WIPF1: variants seen among roughly 807,000 people sequenced by gnomAD.
The protein encoded by WIPF1 is WAS/WASL interacting protein family member 1.
WIPF1 carries 13 observed loss-of-function variants against 35.4 expected under a neutral mutation model. That is an observed-to-expected ratio of 0.37 (90% CI 0.24 to 0.58). The LOEUF is 0.58. WIPF1 is among the 20% of genes least tolerant of loss of function. The probability of loss-of-function intolerance (pLI) is 0.74; values close to 1 mark genes in which losing one functional copy is unlikely to be tolerated. For synonymous variants in WIPF1, 267 were observed against 266.3 expected, an observed-to-expected ratio of 1.00 and a Z score of -0.02; for missense variants, 591 against 667.0, an observed-to-expected ratio of 0.89 and a Z score of 1.25.
intron 1 of WIPF1, among the ~76,000 whole-genome samples, chr2:174,657,971 C>CTAGAT (rs1396126400): frequency 2.7e-5 from 4 of 149,846 alleles, no homozygotes; most frequent in Non-Finnish European, 5.9e-5. Context: ...TTTTTTCTCC[C>CTAGAT]TAGATAAAAG....
chr2:174,666,338 G>C (rs981360035), intron 1 of WIPF1, among the ~76,000 whole-genome samples: 1 of 152,170 alleles, frequency 6.6e-6, no homozygotes, highest in African/African-American at 2.4e-5. Flanking sequence ...CCAGCCCCAG[G>C]AATCTATACA....
At chr2:174,607,295 C>T (rs181766223) in intron 1 of WIPF1, among the ~76,000 whole-genome samples, 3,052 of 151,964 alleles carry the variant, frequency 0.02, 99 homozygotes, top group African/African-American at 0.069. Context: ...CCCAGCTACT[C>T]GGGAGGCTGA....
intron 1 of WIPF1, among the ~76,000 whole-genome samples, chr2:174,651,644 A>T (rs1487870782): frequency 1.3e-5 from 2 of 152,232 alleles, no homozygotes; most frequent in African/African-American, 4.8e-5. Context: ...TCAAGATCTT[A>T]CAAACACAAC....
At chr2:174,658,006 G>A (rs550932647) in intron 1 of WIPF1, among the ~76,000 whole-genome samples, 303 of 151,374 alleles carry the variant, frequency 2.0e-3, no homozygotes, top group Non-Finnish European at 3.6e-3. Flanking sequence ...ATGCCCCCTC[G>A]GATGTTCCCT....
At chr2:174,588,871 T>C (rs1455026065) in intron 1 of WIPF1, among the ~76,000 whole-genome samples, 1 of 152,206 alleles carries the variant, frequency 6.6e-6, no homozygotes, top group East Asian at 1.9e-4. Flanking sequence ...TAAGTGCTCT[T>C]TCCTCTCTTC....
chr2:174,640,747 G>T (rs973330099), intron 1 of WIPF1, among the ~76,000 whole-genome samples: 1 of 151,630 alleles, frequency 6.6e-6, no homozygotes, highest in Admixed American at 6.6e-5. Flanking sequence ...ATCTCCTAAT[G>T]CTATCCCTCC....
At chr2:174,652,449 T>C (rs1379873330) in intron 1 of WIPF1, among the ~76,000 whole-genome samples, 1 of 152,222 alleles carries the variant, frequency 6.6e-6, no homozygotes, top group Admixed American at 6.5e-5. Flanking sequence ...ATGGACGTTA[T>C]GTAAATATTA....
At chr2:174,628,779 T>C (rs80208535) in intron 1 of WIPF1, among the ~76,000 whole-genome samples, 1 of 152,362 alleles carries the variant, frequency 6.6e-6, no homozygotes, top group African/African-American at 2.4e-5. Flanking sequence ...ATGAGCTACT[T>C]TGACCATAGA....
At chr2:174,668,961 G>T (rs1687950309) in intron 1 of WIPF1, among the ~76,000 whole-genome samples, 1 of 152,222 alleles carries the variant, frequency 6.6e-6, no homozygotes, top group African/African-American at 2.4e-5. Flanking sequence ...TGGGCCAGCT[G>T]ATTACCCTCA....
At chr2:174,660,977 A>G (rs972706715) in intron 1 of WIPF1, among the ~76,000 whole-genome samples, 1 of 152,252 alleles carries the variant, frequency 6.6e-6, no homozygotes, top group African/African-American at 2.4e-5. Context: ...ACTGAAGTCA[A>G]GAGGGGCGAG....
chr2:174,576,460 T>G (rs1326096128), intron 3 of WIPF1, among the ~76,000 whole-genome samples: 1 of 152,228 alleles, frequency 6.6e-6, no homozygotes, highest in Non-Finnish European at 1.5e-5. Context: ...TGTATTACAT[T>G]AAAATTTATT....
At chr2:174,682,652 C>G (rs1688278304) in intron 1 of WIPF1, 1 of 151,708 alleles carries the variant, frequency 6.6e-6, no homozygotes, top group African/African-American at 2.4e-5. Context: ...GCCGCCCCAC[C>G]CGCGTCACCG....
intron 1 of WIPF1, among the ~76,000 whole-genome samples, chr2:174,636,429 TAC>T (rs1687183605): frequency 6.6e-6 from 1 of 152,216 alleles, no homozygotes; most frequent in South Asian, 2.1e-4. Flanking sequence ...GAGAAGACAG[TAC>T]AGAGTTCCCA....
In WIPF1 at chr2:174,560,581, T is replaced by G. The variant is rs548948633; in HGVS notation, c.*1966A>C. ...AAACTGCTAGAGATTAAAAAAATTT[T>G]TTTTTAAAAAGCCAACACTTTGCCA... is the stretch of plus-strand genomic sequence containing the variant. On this transcript the variant is annotated 3_prime_UTR_variant, in exon 8 of 8. Coordinates refer to ENST00000679041, the MANE Select transcript of WIPF1 (RefSeq NM_001375834.1). 10 of 152,760 alleles carry G rather than the reference T, an allele frequency of 6.5e-5. No individual in the cohort carries two copies. The highest frequency in any genetic ancestry group is 2.4e-4 in the African/African-American group (10 of 41,594). The allele number at this position is 152,760 out of a possible 1,614,324, so 9.5% of individuals were successfully genotyped here.
intron 1 of WIPF1, among the ~76,000 whole-genome samples, chr2:174,627,465 CTCTT>C (rs754021831): frequency 1.2e-3 from 174 of 148,210 alleles, no homozygotes; most frequent in Non-Finnish European, 1.7e-3. Flanking sequence ...TTCTTCCTTT[CTCTT>C]TCTTTCTCTC....
chr2:174,606,374 T>C (rs1686165626), intron 1 of WIPF1, among the ~76,000 whole-genome samples: 1 of 152,190 alleles, frequency 6.6e-6, no homozygotes, highest in African/African-American at 2.4e-5. Flanking sequence ...AAAAGAACTA[T>C]GAATTAGGTA....
intron 1 of WIPF1, among the ~76,000 whole-genome samples, chr2:174,617,721 A>G (rs1686552067): frequency 6.6e-6 from 1 of 152,172 alleles, no homozygotes; most frequent in Non-Finnish European, 1.5e-5. Flanking sequence ...CTCCATTAGC[A>G]TTTCCCAAAG....
chr2:174,611,256 C>T (rs990863069), intron 1 of WIPF1, among the ~76,000 whole-genome samples: 2 of 152,098 alleles, frequency 1.3e-5, no homozygotes, highest in Admixed American at 6.5e-5. Context: ...AGCAGCCTCA[C>T]CAAGATCACT....
At chr2:174,567,832 T>C in intron 6 of WIPF1, 29 bp downstream of exon 6, 1 of 1,530,994 alleles carries the variant, frequency 6.5e-7, no homozygotes, top group Non-Finnish European at 8.8e-7. Context: ...TGCTGCCCTA[T>C]AGCCCAGGGA....
Sources: allele counts gnomAD v4.1 joint callset (sites outside exome capture counted in the v4.1 genomes callset), GRCh38; gene constraint gnomAD v4.1.1; transcripts MANE v1.5; gene names NCBI Gene and HGNC (gene_info 2026-07-23, HGNC 2026-07-21).